TUFT1: variants seen among roughly 807,000 people sequenced by gnomAD.
TUFT1 encodes tuftelin.
Under a neutral mutation model 57.8 loss-of-function variants are expected in TUFT1, and 43 were observed. The ratio of observed to expected loss-of-function variants is 0.74; its 90% confidence interval spans 0.58 to 0.96. The LOEUF is 0.96. TUFT1 is among the 40% of genes least tolerant of loss of function. TUFT1 has a pLI of 0.00. For synonymous variants in TUFT1, 166 were observed against 176.7 expected, an observed-to-expected ratio of 0.94 and a Z score of 0.48; for missense variants, 459 against 489.0, an observed-to-expected ratio of 0.94 and a Z score of 0.58.
rs945343971 is a variant in TUFT1, at chr1:151,561,939, T to C, written c.61-152T>C. 2.0e-6 allele frequency: 3 copies of C among 1,494,332 alleles called. No homozygotes were observed. In the African/African-American group the frequency reaches 4.2e-5, roughly 21 times the overall value. The allele number at this position is 1,494,332 out of a possible 1,614,324, so 92.6% of individuals were successfully genotyped here. A position where few individuals can be genotyped will look rare whatever the true frequency, so the allele number is the denominator to read the frequency against. On this transcript the variant is annotated intron_variant, in intron 1 of 12. Coordinates refer to ENST00000368849, the MANE Select transcript of TUFT1 (RefSeq NM_020127.3). Reference sequence around the variant, plus strand: ...CACCTGATCTTGGGCAAGGTAATGCTGCCTCCCTGGACTTCAGTTTTCCTA... The same window carrying C: ...CACCTGATCTTGGGCAAGGTAATGCCGCCTCCCTGGACTTCAGTTTTCCTA...
At chr1:151,550,471 A>C (rs1386729508) in intron 1 of TUFT1, among the ~76,000 whole-genome samples, 3 of 151,664 alleles carry the variant, frequency 2.0e-5, no homozygotes, top group African/African-American at 4.9e-5. Context: ...CAGTTTCCCG[A>C]GTAGCTGGGA....
chr1:151,563,815 A>G (rs1232436670), intron 3 of TUFT1, 89 bp from the exon 4 acceptor site: 3 of 1,081,360 alleles, frequency 2.8e-6, no homozygotes, highest in Non-Finnish European at 4.2e-6. Context: ...GTAACAATTT[A>G]CCCTCCCACC....
At chr1:151,554,799 GT>G (rs1665629500) in intron 1 of TUFT1, among the ~76,000 whole-genome samples, 1 of 141,054 alleles carries the variant, frequency 7.1e-6, no homozygotes, top group Non-Finnish European at 1.5e-5. Context: ...TGCCTCCAGA[GT>G]TCAAGCGATC....
intron 6 of TUFT1, among the ~76,000 whole-genome samples, chr1:151,568,958 C>T (rs1666163572): frequency 6.6e-6 from 1 of 152,160 alleles, no homozygotes; most frequent in Non-Finnish European, 1.5e-5. Context: ...GAGACTGGGA[C>T]ACTGTCTTCC....
chr1:151,541,239 G>C (rs373439242), intron 1 of TUFT1, among the ~76,000 whole-genome samples: 7 of 152,276 alleles, frequency 4.6e-5, no homozygotes, highest in African/African-American at 1.7e-4. Context: ...GCTTCTGGAC[G>C]GGGAGAGGGT....
rs1352716671 is a variant in TUFT1, at chr1:151,580,323, GCGTAT to G, written c.1008+593_1008+597del. Among the ~76,000 whole-genome samples the G allele has an allele frequency of 7.2e-5, 11 of 152,250 alleles. No individual in the cohort carries two copies. In the East Asian group the frequency reaches 2.1e-3, roughly 29 times the overall value. On this transcript the variant is annotated intron_variant, in intron 11 of 12. Coordinates refer to ENST00000368849, the MANE Select transcript of TUFT1 (RefSeq NM_020127.3). ...AGACCAAAGAATGCTTTATAGAATA[GCGTAT>G]CAACAAAGGCAAGTGAGTATCTCAA...
intron 11 of TUFT1, among the ~76,000 whole-genome samples, chr1:151,580,700 A>T (rs1666621383): frequency 6.7e-6 from 1 of 149,376 alleles, no homozygotes; most frequent in Admixed American, 6.7e-5. Flanking sequence ...TATGTAGAGG[A>T]CATATAGGAA....
rs138920084 is a variant in TUFT1 at position 151,563,404 on chromosome 1, A to G, written c.238-500A>G. 2.1e-3 allele frequency among the ~76,000 whole-genome samples: 316 copies of G among 151,946 alleles called. 6 individuals are homozygous for G. The highest frequency in any genetic ancestry group is 7.3e-3 in the African/African-American group (304 of 41,406). Reference sequence around the variant, plus strand: ...GATTATTATACTCCATTTTTACTGTATTTTTTCTGGGTTTAGATACATTAC... The same window carrying G: ...GATTATTATACTCCATTTTTACTGTGTTTTTTCTGGGTTTAGATACATTAC... On this transcript the variant is annotated intron_variant, in intron 3 of 12. Transcript: ENST00000368849.
At chr1:151,577,930 G>GT (rs1421249351) in intron 9 of TUFT1, among the ~76,000 whole-genome samples, 3 of 151,954 alleles carry the variant, frequency 2.0e-5, no homozygotes, top group African/African-American at 7.3e-5. Flanking sequence ...GGAGACTGAG[G>GT]TAGGAGGATT....
chr1:151,552,297 T>C (rs1311811560), intron 1 of TUFT1, among the ~76,000 whole-genome samples: 2 of 152,232 alleles, frequency 1.3e-5, no homozygotes, highest in Non-Finnish European at 2.9e-5. Context: ...AAAATGCTAC[T>C]GTGAACTTTC....
intron 8 of TUFT1, 105 bp from the exon 9 acceptor site, chr1:151,574,806 T>C (rs1666398938): frequency 2.1e-6 from 2 of 965,990 alleles, no homozygotes; most frequent in Non-Finnish European, 3.2e-6. Context: ...TTGGCAGCTG[T>C]CCAGGCCCAG....
chr1:151,540,396 G>A lies in TUFT1; in HGVS notation c.30G>A (p.Leu10=), dbSNP rs1665119816. 1.9e-6 allele frequency: 3 copies of A among 1,614,058 alleles called. No homozygotes were observed. The African/African-American group carries it at 4.0e-5, about 22-fold the overall frequency. The change falls in exon 1 of 13, where the codon CTG becomes CTA. Residue 10 remains leucine, a synonymous_variant. Coordinates refer to ENST00000368849, the MANE Select transcript of TUFT1 (RefSeq NM_020127.3). ...ACGGGACGCGGAACTGGTGTACCCT[G>A]GTGGACGTGCACCCAGAGGACCAGG... MNGTRNWCT[L]VDVHPEDQAA... is the part of the protein sequence containing the mutation.
chr1:151,577,032 C>T (rs1358963207), intron 9 of TUFT1, among the ~76,000 whole-genome samples: 1 of 152,148 alleles, frequency 6.6e-6, no homozygotes, highest in Non-Finnish European at 1.5e-5. Flanking sequence ...CCTCGCCTTC[C>T]TAAAGTGCTG....
chr1:151,545,765 A>C, intron 1 of TUFT1: 1 of 515,066 alleles, frequency 1.9e-6, no homozygotes. Context: ...CAGGGGTGAG[A>C]GGAAGGCCTA....
chr1:151,581,107 T>G, intron 12 of TUFT1, 65 bp downstream of exon 12: 9 of 1,402,590 alleles, frequency 6.4e-6, no homozygotes, highest in South Asian at 1.2e-5. Flanking sequence ...CAGAGCTCTG[T>G]AGAACCTTTA....
Position 151,583,084 on chromosome 1 carries a change from C to CCACCA in TUFT1, c.*1379_*1383dup, listed in dbSNP as rs936410712. 1 of 152,020 alleles carries CCACCA rather than the reference C, an allele frequency of 6.6e-6. No homozygotes were observed. Among genetic ancestry groups the CCACCA allele is most frequent in the African/African-American group, 2.4e-5 (1 of 41,342 alleles). The allele number at this position is 152,020 out of a possible 1,614,324, so 9.4% of individuals were successfully genotyped here. A position where few individuals can be genotyped will look rare whatever the true frequency, so the allele number is the denominator to read the frequency against. ...CCGAGTAGCTGGGACTACAGGTGTGCCACCACGCCTGGCTGATTTTTGTAT... is the reference window on the plus strand; with the variant it reads ...CCGAGTAGCTGGGACTACAGGTGTGCCACCACACCACGCCTGGCTGATTTTTGTAT... On this transcript the variant is annotated 3_prime_UTR_variant, in exon 13 of 13. Transcript: ENST00000368849.
At chr1:151,553,099 T>C (rs1665561232) in intron 1 of TUFT1, among the ~76,000 whole-genome samples, 1 of 147,972 alleles carries the variant, frequency 6.8e-6, no homozygotes, top group Non-Finnish European at 1.5e-5. Flanking sequence ...GTCAGATAAT[T>C]TTTTTTTTTT....
intron 1 of TUFT1, among the ~76,000 whole-genome samples, chr1:151,560,868 A>G (rs1047640149): frequency 6.6e-6 from 1 of 151,882 alleles, no homozygotes; most frequent in Non-Finnish European, 1.5e-5. Flanking sequence ...GCCTTCTCTC[A>G]ACGTTATCAT....
intron 7 of TUFT1, among the ~76,000 whole-genome samples, chr1:151,573,758 A>G (rs902164306): frequency 7.9e-5 from 12 of 152,188 alleles, no homozygotes; most frequent in Middle Eastern, 3.2e-3. Context: ...AAAAAATAAT[A>G]ATAATAAATA....
Sources: allele counts gnomAD v4.1 joint callset (sites outside exome capture counted in the v4.1 genomes callset), GRCh38; gene constraint gnomAD v4.1.1; transcripts MANE v1.5; gene names NCBI Gene and HGNC (gene_info 2026-07-23, HGNC 2026-07-21).